The following ANO2 variants were observed in gnomAD, a reference collection of about 807,000 sequenced individuals.
ANO2 encodes the protein anoctamin-2.
In ANO2, 101 loss-of-function variants were observed where a neutral mutation model predicts 124.2. The observed-to-expected ratio is 0.81, with a 90% CI of 0.69 to 0.96. The LOEUF (loss-of-function observed/expected upper bound fraction) is 0.96. Among genes scored for constraint, ANO2 ranks in the 40% least tolerant of loss-of-function variants. The pLI is 0.00. For missense variants in ANO2, 1,293 were observed against 1,274.5 expected (o/e 1.01, Z -0.22); for synonymous variants, 486 against 482.5 (o/e 1.01, Z -0.09).
rs75342875 is a variant in ANO2, at chr12:5,760,963, G to A, written c.1056-9993C>T. On this transcript the variant is annotated intron_variant, in intron 10 of 24. Transcript: ENST00000682330. ...GATTCAGGGGACTTGCAGCCTGGCA[G>A]GCTCTGCTCTACCTTACAACTCCTC... Among the ~76,000 whole-genome samples, 534 of 151,960 alleles carry A rather than the reference G, an allele frequency of 3.5e-3. 7 individuals are homozygous for A. Among genetic ancestry groups the A allele is most frequent in the African/African-American group, 0.012 (510 of 41,424 alleles).
At chr12:5,732,910 G>A in intron 13 of ANO2, 4 of 1,613,856 alleles carry the variant, frequency 2.5e-6, no homozygotes, top group African/African-American at 1.3e-5. Context: ...GAAAAAGAGA[G>A]GAAATGTTAA....
intron 10 of ANO2, among the ~76,000 whole-genome samples, chr12:5,772,681 C>T (rs955756163): frequency 3.3e-5 from 5 of 152,038 alleles, no homozygotes; most frequent in African/African-American, 9.7e-5. Flanking sequence ...CAGCATGTGC[C>T]ACACTTGTCA....
chr12:5,919,736 C>G (rs1386537621), intron 3 of ANO2, among the ~76,000 whole-genome samples: 1 of 151,120 alleles, frequency 6.6e-6, no homozygotes, highest in Non-Finnish European at 1.5e-5. Context: ...CTCGCTCTGT[C>G]ACGCAGGCTG....
chr12:5,759,239 A>G (rs995582589), intron 10 of ANO2, among the ~76,000 whole-genome samples: 23 of 152,276 alleles, frequency 1.5e-4, no homozygotes, highest in Admixed American at 1.3e-3. Context: ...GAAACCCCAC[A>G]TACTTAGATA....
At chr12:5,764,533 A>G (rs1951824129) in intron 10 of ANO2, among the ~76,000 whole-genome samples, 1 of 152,240 alleles carries the variant, frequency 6.6e-6, no homozygotes, top group South Asian at 2.1e-4. Context: ...ATGAGATTCC[A>G]GCTTTCAACC....
chr12:5,940,143 T>C (rs562412292), intron 1 of ANO2, among the ~76,000 whole-genome samples: 1 of 152,308 alleles, frequency 6.6e-6, no homozygotes, highest in South Asian at 2.1e-4. Context: ...ACAGATTCTG[T>C]TGCTTCTTGA....
At chr12:5,724,475 A>T (rs937224224) in intron 14 of ANO2, among the ~76,000 whole-genome samples, 1 of 151,618 alleles carries the variant, frequency 6.6e-6, no homozygotes, top group African/African-American at 2.4e-5. Context: ...GCTCAATGGG[A>T]CTCCCTTCTC....
chr12:5,595,682 T>C (rs978360866), intron 20 of ANO2, among the ~76,000 whole-genome samples: 1 of 152,164 alleles, frequency 6.6e-6, no homozygotes, highest in African/African-American at 2.4e-5. Flanking sequence ...TAAGATGCCA[T>C]CAGCGTGTGT....
intron 12 of ANO2, chr12:5,740,083 C>T (rs920676362): frequency 1.9e-5 from 8 of 423,636 alleles, no homozygotes; most frequent in East Asian, 7.0e-5. Context: ...AGGACCAGCA[C>T]GCCTTTCTCA....
At chr12:5,702,025 AT>A (rs1217963050) in intron 14 of ANO2, among the ~76,000 whole-genome samples, 2 of 152,264 alleles carry the variant, frequency 1.3e-5, no homozygotes, top group African/African-American at 4.8e-5. Context: ...ACAGAAAAAA[AT>A]AAAAAATAAA....
At chr12:5,583,463 C>CA (rs1942877203) in intron 20 of ANO2, among the ~76,000 whole-genome samples, 1 of 151,716 alleles carries the variant, frequency 6.6e-6, no homozygotes, top group Admixed American at 6.6e-5. Flanking sequence ...ACCATCTTGG[C>CA]TAACACGGTG....
rs117254999 is a variant in ANO2, at chr12:5,736,918, T to C, written c.1434+2399A>G. On this transcript the variant is annotated intron_variant, in intron 13 of 24. Coordinates refer to ENST00000682330, the MANE Select transcript of ANO2 (RefSeq NM_001364791.2). ...AACCAGTCTTCAAAACCCTGATTTTTTAAGAATTTCCTCTCTACATTAGCC... is the reference window on the plus strand; with the variant it reads ...AACCAGTCTTCAAAACCCTGATTTTCTAAGAATTTCCTCTCTACATTAGCC... Among the ~76,000 whole-genome samples the C allele has an allele frequency of 2.0e-5, 3 of 152,318 alleles. No homozygotes were observed. The East Asian group carries it at 5.8e-4, about 29-fold the overall frequency.
intron 3 of ANO2, among the ~76,000 whole-genome samples, chr12:5,893,189 T>A (rs760046692): frequency 2.0e-5 from 3 of 152,150 alleles, no homozygotes; most frequent in Non-Finnish European, 2.9e-5. Flanking sequence ...AGGCAAAGAA[T>A]TCATACTAAG....
chr12:5,600,067 C>T (rs1157470577), intron 19 of ANO2, among the ~76,000 whole-genome samples: 1 of 152,168 alleles, frequency 6.6e-6, no homozygotes, highest in Non-Finnish European at 1.5e-5. Context: ...CCATTAAAAC[C>T]AAGCTAAACA....
intron 7 of ANO2, among the ~76,000 whole-genome samples, chr12:5,810,301 C>CT (rs1953346822): frequency 6.6e-6 from 1 of 152,138 alleles, no homozygotes; most frequent in Non-Finnish European, 1.5e-5. Flanking sequence ...TTGGCCTCCC[C>CT]GTTCACCCAG....
chr12:5,783,182 T>C (rs1349092389), intron 10 of ANO2, among the ~76,000 whole-genome samples: 7 of 152,244 alleles, frequency 4.6e-5, no homozygotes, highest in Admixed American at 4.6e-4. Context: ...AAATCAGACC[T>C]TTCTGTCCCG....
chr12:5,590,057 C>A (rs1035885454), intron 20 of ANO2, among the ~76,000 whole-genome samples: 5 of 151,830 alleles, frequency 3.3e-5, no homozygotes, highest in Admixed American at 6.6e-5. Flanking sequence ...AAAGAAAAAG[C>A]AAAAGCACCA....
chr12:5,830,336 C>T (rs766195949), intron 6 of ANO2, 99 bp downstream of exon 6: 58 of 1,233,590 alleles, frequency 4.7e-5, no homozygotes, highest in Non-Finnish European at 6.2e-5. Context: ...AAGCAAATAA[C>T]GGTGTGAGGT....
intron 5 of ANO2, among the ~76,000 whole-genome samples, chr12:5,831,518 C>T (rs982168987): frequency 6.6e-5 from 10 of 152,218 alleles, no homozygotes; most frequent in African/African-American, 2.4e-4. Flanking sequence ...CCACTTAGGG[C>T]GGTATGACCC....
Sources: gnomAD v4.1 joint callset for allele counts (sites outside exome capture counted in the v4.1 genomes callset) on GRCh38, gnomAD v4.1.1 for gene constraint, MANE v1.5 for transcripts, NCBI Gene and HGNC (gene_info 2026-07-23, HGNC 2026-07-21) for gene names.